The following CNTN5 variants were observed in gnomAD, a reference collection of about 807,000 sequenced individuals.
The protein encoded by CNTN5 is contactin 5.
Under a neutral mutation model 129.1 loss-of-function variants are expected in CNTN5, and 77 were observed. That is an observed-to-expected ratio of 0.60 (90% CI 0.50 to 0.72). The LOEUF (loss-of-function observed/expected upper bound fraction) is 0.72, where lower values mean the gene tolerates loss of function less well. Among genes scored for constraint, CNTN5 ranks in the 30% least tolerant of loss-of-function variants. CNTN5 has a pLI of 0.00. For synonymous variants in CNTN5, 509 were observed against 465.6 expected, an observed-to-expected ratio of 1.09 and a Z score of -1.20; for missense variants, 1,478 against 1,328.8, an observed-to-expected ratio of 1.11 and a Z score of -1.75.
chr11:100,112,787 C>T (rs1318841061), intron 13 of CNTN5, among the ~76,000 whole-genome samples: 1 of 152,094 alleles, frequency 6.6e-6, no homozygotes, highest in African/African-American at 2.4e-5. Flanking sequence ...AAGGTCATGA[C>T]ATAATTTAAA....
In CNTN5 at chr11:99,033,249, G is replaced by C. The variant is rs1029484954; in HGVS notation, c.-210+11979G>C. On this transcript the variant is annotated intron_variant, in intron 1 of 24. Coordinates refer to ENST00000524871, the MANE Select transcript of CNTN5 (RefSeq NM_014361.4). ...TGGCTTAGGATTGACTTGGCAATGC[G>C]GGCTCTTTTTTGGTTCCATATGAAC... Among the ~76,000 whole-genome samples the C allele has an allele frequency of 1.1e-3, 160 of 151,664 alleles. 1 individual carries two copies. Among genetic ancestry groups the C allele is most frequent in the Middle Eastern group, 3.4e-3 (1 of 292 alleles).
chr11:99,534,703 C>A (rs975431627), intron 2 of CNTN5, among the ~76,000 whole-genome samples: 1 of 151,926 alleles, frequency 6.6e-6, no homozygotes, highest in African/African-American at 2.4e-5. Context: ...TTGAATATCA[C>A]CCTGTAATCA....
chr11:100,222,254 T>A (rs1949280244), intron 15 of CNTN5, among the ~76,000 whole-genome samples: 1 of 152,174 alleles, frequency 6.6e-6, no homozygotes, highest in Admixed American at 6.6e-5. Context: ...TTGCTTCTGA[T>A]AGATGGTGAT....
chr11:99,216,490 G>A lies in CNTN5; in HGVS notation c.-209-108856G>A, dbSNP rs144806701. 2.6e-5 allele frequency among the ~76,000 whole-genome samples: 4 copies of A among 152,066 alleles called. No individual in the cohort carries two copies. In the East Asian group the frequency reaches 5.8e-4, roughly 22 times the overall value. On this transcript the variant is annotated intron_variant, in intron 1 of 24. Coordinates refer to ENST00000524871, the MANE Select transcript of CNTN5 (RefSeq NM_014361.4). ...GTGCCGATATCTCTTAGATACATTCGTTGCTTTTCTTTTGGATATATACCC... is the reference window on the plus strand; with the variant it reads ...GTGCCGATATCTCTTAGATACATTCATTGCTTTTCTTTTGGATATATACCC...
intron 13 of CNTN5, among the ~76,000 whole-genome samples, chr11:100,112,376 A>G (rs1945684728): frequency 6.6e-6 from 1 of 152,198 alleles, no homozygotes; most frequent in Non-Finnish European, 1.5e-5. Context: ...CATAGTGCAT[A>G]TCACTGATGA....
chr11:99,276,044 G>A (rs1184078440), intron 1 of CNTN5, among the ~76,000 whole-genome samples: 1 of 151,548 alleles, frequency 6.6e-6, no homozygotes, highest in Non-Finnish European at 1.5e-5. Flanking sequence ...ATTCCAGTGA[G>A]GGAATCCTTT....
At chr11:99,256,995 T>A (rs2135810905) in intron 1 of CNTN5, among the ~76,000 whole-genome samples, 1 of 152,198 alleles carries the variant, frequency 6.6e-6, no homozygotes, top group Non-Finnish European at 1.5e-5. Context: ...CTAATAAAAA[T>A]AATACTGATT....
intron 15 of CNTN5, among the ~76,000 whole-genome samples, chr11:100,210,553 A>T (rs1208173127): frequency 6.7e-6 from 1 of 149,122 alleles, no homozygotes; most frequent in Admixed American, 6.9e-5. Context: ...ATTTGAAGAT[A>T]AAAACAAAGA....
intron 9 of CNTN5, among the ~76,000 whole-genome samples, chr11:100,009,007 A>T (rs544984546): frequency 6.6e-6 from 1 of 152,218 alleles, no homozygotes; most frequent in East Asian, 1.9e-4. Flanking sequence ...TAATTTTTCC[A>T]TATATAAGCT....
chr11:100,254,230 C>T (rs1950024493), intron 16 of CNTN5, among the ~76,000 whole-genome samples: 1 of 151,938 alleles, frequency 6.6e-6, no homozygotes, highest in African/African-American at 2.4e-5. Flanking sequence ...TTCATTGCAC[C>T]CTTTCACTTT....
At chr11:100,116,178 G>A (rs1166973613) in intron 13 of CNTN5, among the ~76,000 whole-genome samples, 3 of 151,976 alleles carry the variant, frequency 2.0e-5, no homozygotes, top group Non-Finnish European at 4.4e-5. Flanking sequence ...AGATCCATCA[G>A]TACCAGCAAG....
intron 9 of CNTN5, among the ~76,000 whole-genome samples, chr11:100,030,734 T>C (rs891803011): frequency 1.3e-5 from 2 of 152,210 alleles, no homozygotes; most frequent in African/African-American, 4.8e-5. Flanking sequence ...TTTTTCAGTT[T>C]ACTTACTTAT....
chr11:99,692,026 G>T (rs551967696), intron 3 of CNTN5, among the ~76,000 whole-genome samples: 1 of 152,120 alleles, frequency 6.6e-6, no homozygotes, highest in Non-Finnish European at 1.5e-5. Flanking sequence ...ATCTTTCTTG[G>T]TTTAGTGTCT....
intron 3 of CNTN5, among the ~76,000 whole-genome samples, chr11:99,764,788 C>T (rs1255531840): frequency 6.6e-6 from 1 of 152,108 alleles, no homozygotes; most frequent in Non-Finnish European, 1.5e-5. Context: ...GTGTATTTTA[C>T]ACCTATAGAT....
chr11:99,631,276 C>G (rs1175029318), intron 3 of CNTN5, among the ~76,000 whole-genome samples: 1 of 151,998 alleles, frequency 6.6e-6, no homozygotes, highest in Admixed American at 6.6e-5. Context: ...TACAAATATT[C>G]CTCTTACCTT....
intron 2 of CNTN5, among the ~76,000 whole-genome samples, chr11:99,389,579 A>G (rs1324623234): frequency 2.0e-5 from 3 of 152,126 alleles, no homozygotes; most frequent in Non-Finnish European, 4.4e-5. Flanking sequence ...TGTAGACCTT[A>G]CTTTCATATA....
chr11:100,214,209 T>C (rs1039540988), intron 15 of CNTN5, among the ~76,000 whole-genome samples: 2 of 152,184 alleles, frequency 1.3e-5, no homozygotes, highest in African/African-American at 4.8e-5. Flanking sequence ...ATGAAAGTTC[T>C]TCTACCATTT....
intron 3 of CNTN5, among the ~76,000 whole-genome samples, chr11:99,767,641 C>A (rs1020061972): frequency 1.3e-5 from 2 of 149,366 alleles, no homozygotes; most frequent in African/African-American, 4.9e-5. Context: ...AAAAAAAAAA[C>A]CCATCAGATC....
At chr11:99,753,385 G>C (rs1239584876) in intron 3 of CNTN5, among the ~76,000 whole-genome samples, 2 of 151,584 alleles carry the variant, frequency 1.3e-5, no homozygotes, top group Non-Finnish European at 2.9e-5. Context: ...GCCTCCCAAA[G>C]TGCTGGGATT....
Sources: allele counts gnomAD v4.1 joint callset (sites outside exome capture counted in the v4.1 genomes callset), GRCh38; gene constraint gnomAD v4.1.1; transcripts MANE v1.5; gene names NCBI Gene and HGNC (gene_info 2026-07-23, HGNC 2026-07-21).